The following TMC7 variants were observed in gnomAD, a reference collection of about 807,000 sequenced individuals.
TMC7 encodes the protein transmembrane channel like 7, also known as transmembrane channel-like protein 7.
A neutral mutation model predicts 82.9 loss-of-function variants in TMC7; 54 were observed. The ratio of observed to expected loss-of-function variants is 0.65; its 90% CI spans 0.52 to 0.82. The LOEUF is 0.82. TMC7 is among the 40% of genes least tolerant of loss of function. The pLI is 0.00. For synonymous variants in TMC7, 350 were observed against 337.9 expected (o/e 1.04, Z -0.39); for missense variants, 820 against 901.2 (o/e 0.91, Z 1.15).
intron 12 of TMC7, among the ~76,000 whole-genome samples, chr16:19,050,060 A>G (rs544535716): frequency 1.3e-5 from 2 of 152,192 alleles, no homozygotes; most frequent in Non-Finnish European, 2.9e-5. Context: ...AAATCCCTAT[A>G]AGGAATACAT....
chr16:19,009,546 T>G, intron 2 of TMC7, 131 bp downstream of exon 2: 5 of 1,173,166 alleles, frequency 4.3e-6, no homozygotes, highest in Non-Finnish European at 5.8e-6. Flanking sequence ...CTAAGCCTCT[T>G]TGACAAACAT....
chr16:19,004,276 T>G (rs2039195577), intron 1 of TMC7, among the ~76,000 whole-genome samples: 1 of 152,142 alleles, frequency 6.6e-6, no homozygotes, highest in South Asian at 2.1e-4. Context: ...ATCAGAACAG[T>G]TCTTCCTAGG....
In TMC7 at chr16:19,056,686, C is replaced by T; in HGVS notation, c.2016C>T (p.Phe672=). ...CCGAAGCCTTTGCAGTTCCTTTCTT[C>T]ATGATTATTTGGTGAGTGAGAACCA... is the stretch of plus-strand genomic sequence containing the variant. ...VTSEAFAVPF[F]MIICLIMFYF... Residue 672 remains phenylalanine (F), a synonymous_variant, in exon 14 of 16, where the codon TTC becomes TTT. Transcript: ENST00000304381. 1.2e-6 allele frequency: 2 copies of T among 1,613,888 alleles called. No homozygotes were observed. Among genetic ancestry groups the T allele is most frequent in the Non-Finnish European group, 1.7e-6 (2 of 1,179,906 alleles).
chr16:19,037,786 A>G lies in TMC7; in HGVS notation c.1006-88A>G, dbSNP rs1393386351. ...CCATGCCTGGCTAGAACTCTTAAAG[A>G]TGGATGGGGAGAGAATGATGAATCA... On this transcript the variant is annotated intron_variant, in intron 7 of 15. Transcript: ENST00000304381. 4.3e-6 allele frequency: 6 copies of G among 1,403,292 alleles called. No homozygotes were observed. The East Asian group carries it at 1.2e-4, about 28-fold the overall frequency. 86.9% of individuals were successfully genotyped at this position (1,403,292 alleles called of 1,614,324 possible).
At position 19,023,187 on chromosome 16, in the gene TMC7, T is replaced by C. The variant is rs1206314885; in HGVS notation, c.703T>C (p.Ser235Pro). 1 of 1,592,638 alleles carries C rather than the reference T, an allele frequency of 6.3e-7. No individual in the cohort carries two copies. Among genetic ancestry groups the C allele is most frequent in the East Asian group, 2.2e-5 (1 of 44,738 alleles). Residue 235 changes from serine (S) to proline (P), a missense_variant, in exon 5 of 16, where the codon TCT becomes CCT. By Grantham distance (74) the Ser-to-Pro change is moderately conservative (BLOSUM62 -1). This residue lies in a region of TMC7 where 650 missense variants were observed against 669.9 expected (regional missense o/e 0.97). Transcript: ENST00000304381. ...TTACAGTTATATCATAGACTTGCTT[T>C]CTGGCACTGTAAGTATTTAACATAA... ...YFYSYIIDLL[S>P]GTGFLEETSL...
At chr16:19,039,296 G>C (rs12447062) in intron 8 of TMC7, among the ~76,000 whole-genome samples, 79,023 of 151,656 alleles carry the variant, frequency 0.52, 23,029 homozygotes, top group East Asian at 0.77. Flanking sequence ...TCACCAGTTT[G>C]GCCAGGCTGG....
chr16:19,009,528 A>G (rs1163547151), intron 2 of TMC7, 113 bp downstream of exon 2: 9 of 1,369,076 alleles, frequency 6.6e-6, no homozygotes, highest in Non-Finnish European at 7.9e-6. Flanking sequence ...TTTATTCCTT[A>G]GGGTAAGCTA....
rs149816071 is a variant in TMC7 at position 18,987,357 on chromosome 16, C to T, written c.67+3227C>T. On this transcript the variant is annotated intron_variant, in intron 1 of 15. Transcript: ENST00000304381. Reference sequence around the variant, plus strand: ...ATGGAGTCTCACTCTGTTGCCCAGGCTGGAGTGCAGTAGCGCGATCTCGGC... The same window carrying T: ...ATGGAGTCTCACTCTGTTGCCCAGGTTGGAGTGCAGTAGCGCGATCTCGGC... Among the ~76,000 whole-genome samples the T allele has an allele frequency of 9.5e-3, 1,449 of 152,196 alleles. 26 individuals are homozygous for T. Among genetic ancestry groups the T allele is most frequent in the African/African-American group, 0.032 (1,349 of 41,508 alleles).
chr16:19,027,441 G>C (rs1960290066), intron 5 of TMC7, among the ~76,000 whole-genome samples: 1 of 152,036 alleles, frequency 6.6e-6, no homozygotes, highest in Non-Finnish European at 1.5e-5. Flanking sequence ...TAATGTTATT[G>C]TTAATAATAT....
At chr16:18,998,800 C>T (rs1444390218) in intron 1 of TMC7, among the ~76,000 whole-genome samples, 2 of 151,954 alleles carry the variant, frequency 1.3e-5, no homozygotes, top group Non-Finnish European at 2.9e-5. Flanking sequence ...GAGTTCCAGG[C>T]CCAGCAGCAG....
chr16:19,056,728 C>CACGT (rs1567531816), intron 14 of TMC7, 31 bp downstream of exon 14: 1 of 1,605,376 alleles, frequency 6.2e-7, no homozygotes, highest in South Asian at 1.1e-5. Context: ...CCCACTGAGG[C>CACGT]ACGTGGGCTC....
chr16:18,992,910 A>T (rs2038977351), intron 1 of TMC7, among the ~76,000 whole-genome samples: 1 of 152,042 alleles, frequency 6.6e-6, no homozygotes, highest in South Asian at 2.1e-4. Context: ...ATGGTTGTAG[A>T]TGTGTGATAT....
intron 1 of TMC7, chr16:18,984,349 C>T: frequency 1.5e-6 from 2 of 1,296,420 alleles, no homozygotes; most frequent in Non-Finnish European, 1.9e-6. Flanking sequence ...CCAGCCGGGC[C>T]AAAAGGACAC....
intron 15 of TMC7, chr16:19,059,851 C>T: frequency 3.6e-6 from 2 of 557,680 alleles, no homozygotes; most frequent in Non-Finnish European, 6.3e-6. Context: ...GTGGTGGGCA[C>T]CTGTAATCCC....
In TMC7 at chr16:19,044,929, G is replaced by C. The variant is rs147850292; in HGVS notation, c.1383G>C (p.Thr461=). 1 of 1,613,788 alleles carries C rather than the reference G, an allele frequency of 6.2e-7. No homozygotes were observed. The highest frequency in any genetic ancestry group is 1.3e-5 in the African/African-American group (1 of 74,838). The change falls in exon 10 of 16, where the codon ACG becomes ACC. Residue 461 remains threonine (T), a synonymous_variant. Transcript: ENST00000304381. ...CCACCATATGTGTCCTGGTGTTCAC[G>C]CTGGGCTCCAAGATCACATCCTGTG... ...RLATICVLVF[T]LGSKITSCDD...
chr16:19,053,213 C>A (rs1221839261), intron 13 of TMC7, among the ~76,000 whole-genome samples: 1 of 152,024 alleles, frequency 6.6e-6, no homozygotes, highest in Non-Finnish European at 1.5e-5. Context: ...ATGAATACTT[C>A]CAGAAATTCT....
intron 9 of TMC7, 139 bp downstream of exon 9, chr16:19,040,585 C>T: frequency 1.4e-6 from 1 of 698,452 alleles, no homozygotes; most frequent in Non-Finnish European, 2.4e-6. Flanking sequence ...TCAGACAGCC[C>T]CCATGAATGA....
At chr16:19,032,965 T>C (rs577163958) in intron 6 of TMC7, among the ~76,000 whole-genome samples, 10 of 152,304 alleles carry the variant, frequency 6.6e-5, no homozygotes, top group South Asian at 2.1e-4. Context: ...CGAATCTACC[T>C]GTGAATCTCG....
intron 11 of TMC7, among the ~76,000 whole-genome samples, chr16:19,046,377 A>C (rs932115364): frequency 3.3e-5 from 5 of 152,254 alleles, no homozygotes; most frequent in Non-Finnish European, 7.3e-5. Flanking sequence ...AAAAGCACTG[A>C]GAACACTCCA....
Sources: allele counts gnomAD v4.1 joint callset (sites outside exome capture counted in the v4.1 genomes callset), GRCh38; gene constraint gnomAD v4.1.1; regional missense constraint gnomAD v4.1.1; transcripts MANE v1.5; gene names NCBI Gene and HGNC (gene_info 2026-07-23, HGNC 2026-07-21).